The following NDST3 variants were observed in gnomAD, a reference collection of about 807,000 sequenced individuals.
NDST3 encodes the protein N-deacetylase and N-sulfotransferase 3, also known as bifunctional heparan sulfate N-deacetylase/N-sulfotransferase 3.
Under a neutral mutation model 96.1 loss-of-function variants are expected in NDST3, and 58 were observed. The observed-to-expected ratio is 0.60, with a 90% CI of 0.49 to 0.75. The LOEUF is 0.75. Among genes scored for constraint, NDST3 ranks in the 30% least tolerant of loss-of-function variants. The probability of loss-of-function intolerance (pLI) is 0.00; values close to 1 mark genes in which losing one functional copy is unlikely to be tolerated. For missense variants in NDST3, 788 were observed against 1,034.2 expected (o/e 0.76, Z 3.27); for synonymous variants, 333 against 359.7 (o/e 0.93, Z 0.84).
chr4:118,253,806 T>C (rs753473289), intron 13 of NDST3, among the ~76,000 whole-genome samples: 20 of 152,146 alleles, frequency 1.3e-4, no homozygotes, highest in Non-Finnish European at 2.6e-4. Flanking sequence ...AGGAAAACAA[T>C]AGAATTCAAC....
Position 118,054,047 on chromosome 4 carries a change from C to T in NDST3, c.137C>T (p.Thr46Met), listed in dbSNP as rs746528393. The T allele has an allele frequency of 1.8e-5, 29 of 1,612,924 alleles. No individual in the cohort carries two copies. The highest frequency in any genetic ancestry group is 7.7e-5 in the South Asian group (7 of 91,052). Residue 46 changes from threonine to methionine, a missense_variant, in exon 2 of 14, where the codon ACG (threonine) becomes ATG (methionine). By Grantham distance (81) the Thr-to-Met change is moderately conservative. Around this residue, in one of 3 missense-constraint regions of NDST3, gnomAD observed 234 missense variants for 256.9 expected, o/e 0.91. Coordinates refer to ENST00000296499, the MANE Select transcript of NDST3 (RefSeq NM_004784.3). ...AAACAGGAAAATGAACTCTCTGAGA[C>T]GGCTTCAGAAGTTGACTGTGGCGAC... is the stretch of plus-strand genomic sequence containing the variant. ...GYKQENELSE[T>M]ASEVDCGDLQ...
chr4:118,123,212 A>G (rs1249189733), intron 4 of NDST3, among the ~76,000 whole-genome samples: 1 of 152,188 alleles, frequency 6.6e-6, no homozygotes, highest in Non-Finnish European at 1.5e-5. Context: ...TATAAATACC[A>G]GAGAGTATAC....
At chr4:118,150,363 A>C (rs370691334) in intron 6 of NDST3, among the ~76,000 whole-genome samples, 37 of 151,612 alleles carry the variant, frequency 2.4e-4, no homozygotes, top group Non-Finnish European at 4.9e-4. Flanking sequence ...AAGCAATGGC[A>C]ACAAAAGACA....
intron 6 of NDST3, chr4:118,193,600 A>AG (rs1165007013): frequency 3.3e-6 from 4 of 1,196,066 alleles, no homozygotes; most frequent in Non-Finnish European, 5.0e-6. Flanking sequence ...GCTGGCACAC[A>AG]GCCAGCTGGG....
chr4:118,193,708 A>G lies in NDST3; in HGVS notation c.1540-30783A>G, dbSNP rs572386196. 3.2e-4 allele frequency: 418 copies of G among 1,291,160 alleles called. 3 individuals are homozygous for G. Among genetic ancestry groups the G allele is most frequent in the East Asian group, 2.3e-3 (99 of 43,146 alleles). 80.0% of individuals were successfully genotyped at this position (1,291,160 alleles called of 1,614,324 possible). A position where few individuals can be genotyped will look rare whatever the true frequency, so the allele number is the denominator to read the frequency against. The stretch of plus-strand genomic sequence containing the variant: ...TCACAGCCAGGTGGGCCTCTCCCCA[A>G]TGGAAGAGGCCCTTCTCGTTGTTGC... On this transcript the variant is annotated intron_variant, in intron 6 of 13. Coordinates refer to ENST00000296499, the MANE Select transcript of NDST3 (RefSeq NM_004784.3).
chr4:118,122,008 C>T (rs1020162954), intron 4 of NDST3, among the ~76,000 whole-genome samples: 13 of 152,252 alleles, frequency 8.5e-5, no homozygotes, highest in African/African-American at 2.9e-4. Flanking sequence ...AGAAAGAATT[C>T]CTCAATTCCT....
At chr4:118,218,970 G>C (rs1739369246) in intron 6 of NDST3, among the ~76,000 whole-genome samples, 1 of 151,850 alleles carries the variant, frequency 6.6e-6, no homozygotes, top group Non-Finnish European at 1.5e-5. Flanking sequence ...AAAATACCTA[G>C]GAATACAACT....
intron 3 of NDST3, among the ~76,000 whole-genome samples, chr4:118,111,966 A>G (rs1486760144): frequency 7.9e-5 from 12 of 152,046 alleles, no homozygotes; most frequent in African/African-American, 2.9e-4. Flanking sequence ...ATGAGCCACC[A>G]TGCCCGGCCC....
At chr4:118,162,153 A>G (rs1229774254) in intron 6 of NDST3, among the ~76,000 whole-genome samples, 1 of 152,192 alleles carries the variant, frequency 6.6e-6, no homozygotes, top group Non-Finnish European at 1.5e-5. Context: ...AAGAATCAAT[A>G]TCATGAAAAT....
Position 118,257,533 on chromosome 4 carries a change from G to T in NDST3, c.*1821G>T, listed in dbSNP as rs1484212660. On this transcript the variant is annotated 3_prime_UTR_variant, in exon 14 of 14. Transcript: ENST00000296499. Reference sequence around the variant, plus strand: ...AAGCCTTTATAAAATATTATCAAAGGTATGATTAGAAACAAATGGGAGGAA... The same window carrying T: ...AAGCCTTTATAAAATATTATCAAAGTTATGATTAGAAACAAATGGGAGGAA... The T allele has an allele frequency of 6.6e-6, 1 of 151,984 alleles. No homozygotes were observed. The highest frequency in any genetic ancestry group is 1.5e-5 in the Non-Finnish European group (1 of 67,990). 9.4% of individuals were successfully genotyped at this position (151,984 alleles called of 1,614,324 possible).
intron 6 of NDST3, chr4:118,193,593 G>A (rs71608351): frequency 0.073 from 86,366 of 1,186,432 alleles, 3,738 homozygotes; most frequent in Non-Finnish European, 0.085. Context: ...ATCTGCTGCT[G>A]GCACACAGCC....
At chr4:118,238,163 GAAAGAAA>G (rs1403357459) in intron 10 of NDST3, among the ~76,000 whole-genome samples, 4,639 of 37,788 alleles carry the variant, frequency 0.12, 264 homozygotes, top group Middle Eastern at 0.15. Flanking sequence ...AGAAAAGAAA[GAAAGAAA>G]GAAAGAAAGA....
chr4:118,130,053 C>T (rs1321470385), intron 4 of NDST3, among the ~76,000 whole-genome samples: 3 of 151,976 alleles, frequency 2.0e-5, no homozygotes, highest in South Asian at 2.1e-4. Context: ...TTTCACATCC[C>T]TTTATTTTCA....
chr4:118,114,925 G>T lies in NDST3; in HGVS notation c.1189G>T (p.Val397Leu). The T allele has an allele frequency of 6.2e-7, 1 of 1,614,116 alleles. No homozygotes were observed. The highest frequency in any genetic ancestry group is 8.5e-7 in the Non-Finnish European group (1 of 1,179,976). Reference sequence around the variant, plus strand: ...CCTCTTCCACAATGAGTCATCTTTGGTGGAGCAGATGATTCTCAACAAAAA... The same window carrying T: ...CCTCTTCCACAATGAGTCATCTTTGTTGGAGCAGATGATTCTCAACAAAAA... ...PHLFHNESSL[V>L]EQMILNKKFA... The change falls in exon 4 of 14, where the codon GTG (valine) becomes TTG (leucine). Residue 397 changes from valine to leucine, a missense_variant. Physicochemically the swap from Val to Leu is conservative, Grantham distance 32. This residue lies in a region of NDST3 where 490 missense variants were observed against 708.8 expected (regional missense o/e 0.69). Coordinates refer to ENST00000296499, the MANE Select transcript of NDST3 (RefSeq NM_004784.3).
chr4:118,179,206 T>G (rs769352893), intron 6 of NDST3, among the ~76,000 whole-genome samples: 1 of 151,980 alleles, frequency 6.6e-6, no homozygotes, highest in Non-Finnish European at 1.5e-5. Context: ...TTTACAAATA[T>G]CTTTAAAAAG....
intron 3 of NDST3, among the ~76,000 whole-genome samples, chr4:118,107,907 A>T (rs1406479176): frequency 1.3e-5 from 2 of 152,196 alleles, no homozygotes; most frequent in Non-Finnish European, 2.9e-5. Context: ...CATGCTGCTA[A>T]TAAACATATA....
At chr4:118,063,961 T>C (rs780973615) in intron 2 of NDST3, among the ~76,000 whole-genome samples, 42 of 152,274 alleles carry the variant, frequency 2.8e-4, no homozygotes, top group Non-Finnish European at 4.6e-4. Flanking sequence ...GTAAATTACA[T>C]CCTATCAGAT....
intron 2 of NDST3, among the ~76,000 whole-genome samples, chr4:118,072,448 C>A (rs1432437304): frequency 6.6e-6 from 1 of 151,970 alleles, no homozygotes; most frequent in South Asian, 2.1e-4. Context: ...TTTGACCTCC[C>A]TAGTTAGCTG....
chr4:118,052,750 G>C (rs1725151730), intron 1 of NDST3, among the ~76,000 whole-genome samples: 1 of 151,950 alleles, frequency 6.6e-6, no homozygotes, highest in Non-Finnish European at 1.5e-5. Flanking sequence ...ATCTGTATCA[G>C]TGTGCTGTGA....
Sources: gnomAD v4.1 joint callset for allele counts (sites outside exome capture counted in the v4.1 genomes callset) on GRCh38, gnomAD v4.1.1 for gene constraint, gnomAD v4.1.1 regional missense constraint, MANE v1.5 for transcripts, NCBI Gene and HGNC (gene_info 2026-07-23, HGNC 2026-07-21) for gene names.